Variants in CLVS1 observed in about 807,000 individuals in gnomAD.
The protein encoded by CLVS1 is clavesin 1, also known as clavesin-1.
In CLVS1, 10 loss-of-function variants were observed where a neutral mutation model predicts 33.1. The ratio of observed to expected loss-of-function variants is 0.30; its 90% CI spans 0.19 to 0.51. The LOEUF (loss-of-function observed/expected upper bound fraction) is 0.51. Ranked by LOEUF, CLVS1 falls within the 20% of genes least tolerant of loss-of-function variation. The pLI is 0.97. For missense variants in CLVS1, 343 were observed against 433.4 expected (o/e 0.79, Z 1.85); for synonymous variants, 163 against 166.1 (o/e 0.98, Z 0.14).
intron 2 of CLVS1, among the ~76,000 whole-genome samples, chr8:61,358,462 A>T (rs1227211318): frequency 6.6e-6 from 1 of 152,188 alleles, no homozygotes; most frequent in African/African-American, 2.4e-5. Context: ...ATCTCTCTGA[A>T]CTGCCCAATC....
chr8:61,314,758 C>A (rs752267745), intron 2 of CLVS1, among the ~76,000 whole-genome samples: 1 of 152,152 alleles, frequency 6.6e-6, no homozygotes, highest in Non-Finnish European at 1.5e-5. Context: ...TTTCTAATAT[C>A]TTTTTTGTTG....
At chr8:61,432,063 C>T (rs1816134984) in intron 3 of CLVS1, among the ~76,000 whole-genome samples, 1 of 152,264 alleles carries the variant, frequency 6.6e-6, no homozygotes, top group East Asian at 1.9e-4. Flanking sequence ...TTCAGCTGAG[C>T]CTTGTAGGTT....
chr8:61,313,792 T>C (rs958461537), intron 2 of CLVS1, among the ~76,000 whole-genome samples: 2 of 152,042 alleles, frequency 1.3e-5, no homozygotes, highest in Non-Finnish European at 2.9e-5. Context: ...TTGTGTGCAA[T>C]TGAACTTGAG....
chr8:61,328,997 C>A (rs1811488973), intron 2 of CLVS1, among the ~76,000 whole-genome samples: 1 of 152,148 alleles, frequency 6.6e-6, no homozygotes, highest in South Asian at 2.1e-4. Flanking sequence ...TAGATCTCTG[C>A]ATTCTTGTAC....
At chr8:61,235,993 G>A (rs1376494243) in intron 2 of CLVS1, among the ~76,000 whole-genome samples, 3 of 152,122 alleles carry the variant, frequency 2.0e-5, no homozygotes, top group Non-Finnish European at 4.4e-5. Flanking sequence ...TGGAGGCTGG[G>A]GTCCAATCTG....
intron 2 of CLVS1, among the ~76,000 whole-genome samples, chr8:61,350,761 CTA>C (rs1249451449): frequency 2.6e-5 from 4 of 152,082 alleles, no homozygotes; most frequent in African/African-American, 9.7e-5. Flanking sequence ...TTTTAGTTAA[CTA>C]TGTGATTCCC....
chr8:61,253,342 C>G (rs1429749979), intron 2 of CLVS1, among the ~76,000 whole-genome samples: 1 of 152,212 alleles, frequency 6.6e-6, no homozygotes, highest in Non-Finnish European at 1.5e-5. Context: ...TTCTCTCTGG[C>G]TGCCTTTAAC....
chr8:61,002,489 C>T, the CLVS1 span, among the ~76,000 whole-genome samples: 579 of 151,938 alleles, frequency 3.8e-3, 1 homozygote, highest in Non-Finnish European at 7.0e-3. Flanking sequence ...CCACCATGCC[C>T]GGCTAAATTT....
intron 2 of CLVS1, among the ~76,000 whole-genome samples, chr8:61,277,378 C>T (rs992473345): frequency 1.3e-5 from 2 of 152,204 alleles, no homozygotes; most frequent in African/African-American, 4.8e-5. Context: ...GGTCCTGCTT[C>T]CTGAGGGTGC....
intron 5 of CLVS1, among the ~76,000 whole-genome samples, chr8:61,462,080 T>A (rs1369911876): frequency 6.6e-6 from 1 of 152,140 alleles, no homozygotes; most frequent in East Asian, 1.9e-4. Context: ...ATGCAGAGAC[T>A]TAGTTGGGAA....
chr8:61,324,324 C>T (rs779617433), intron 2 of CLVS1, among the ~76,000 whole-genome samples: 7 of 148,100 alleles, frequency 4.7e-5, no homozygotes, highest in Non-Finnish European at 7.5e-5. Flanking sequence ...ATGGTTTTAT[C>T]AGGGGTTTCT....
intron 1 of CLVS1, among the ~76,000 whole-genome samples, chr8:61,299,210 A>C (rs1585768423): frequency 6.6e-6 from 1 of 152,128 alleles, no homozygotes; most frequent in South Asian, 2.1e-4. Flanking sequence ...AAAGTGGGGG[A>C]AGGGTTATTT....
intron 3 of CLVS1, among the ~76,000 whole-genome samples, chr8:61,453,117 G>T (rs1298505142): frequency 6.6e-6 from 1 of 151,356 alleles, no homozygotes; most frequent in Non-Finnish European, 1.5e-5. Flanking sequence ...TTAAGTTTTA[G>T]GGTACATACA....
intron 2 of CLVS1, among the ~76,000 whole-genome samples, chr8:61,245,764 A>G (rs1808793001): frequency 6.6e-6 from 1 of 151,542 alleles, no homozygotes; most frequent in Non-Finnish European, 1.5e-5. Context: ...CCTCATTATT[A>G]GCTTGGTAGC....
intron 2 of CLVS1, among the ~76,000 whole-genome samples, chr8:61,140,615 C>T (rs1190244934): frequency 6.6e-6 from 1 of 152,014 alleles, no homozygotes; most frequent in Admixed American, 6.5e-5. Context: ...CAGGCTGGAG[C>T]GCAGTGGCGC....
At chr8:61,100,910 T>C (rs1805437439) in intron 1 of CLVS1, among the ~76,000 whole-genome samples, 1 of 152,214 alleles carries the variant, frequency 6.6e-6, no homozygotes, top group African/African-American at 2.4e-5. Context: ...TACTTCATTT[T>C]TTTTGGTATT....
chr8:61,419,596 T>A (rs970309377), intron 3 of CLVS1, among the ~76,000 whole-genome samples: 2 of 152,204 alleles, frequency 1.3e-5, no homozygotes, highest in African/African-American at 4.8e-5. Context: ...AGAGCTGAAC[T>A]GGAAACCAGG....
chr8:60,997,633 A>G, the CLVS1 span, among the ~76,000 whole-genome samples: 27 of 152,166 alleles, frequency 1.8e-4, no homozygotes, highest in Admixed American at 9.2e-4. Context: ...CGCTATCAGG[A>G]ATGAGTCCCT....
At chr8:61,423,995 G>C (rs562211091) in intron 3 of CLVS1, among the ~76,000 whole-genome samples, 1 of 152,296 alleles carries the variant, frequency 6.6e-6, no homozygotes, top group South Asian at 2.1e-4. Flanking sequence ...TGAGGCTTCA[G>C]AACACAATTT....
Sources: allele counts gnomAD v4.1 joint callset (sites outside exome capture counted in the v4.1 genomes callset), GRCh38; gene constraint gnomAD v4.1.1; transcripts MANE v1.5; gene names NCBI Gene and HGNC (gene_info 2026-07-23, HGNC 2026-07-21).